Variants in KIFC3 observed in about 807,000 individuals in gnomAD.
KIFC3 encodes the protein kinesin family member C3, also known as kinesin-like protein KIFC3.
Under a neutral mutation model 101.8 loss-of-function variants are expected in KIFC3, and 60 were observed. The observed-to-expected ratio is 0.59, with a 90% CI of 0.48 to 0.73. KIFC3 has a LOEUF of 0.73. Among genes scored for constraint, KIFC3 ranks in the 30% least tolerant of loss-of-function variants. KIFC3 has a pLI of 0.00. For synonymous variants in KIFC3, 476 were observed against 482.7 expected (o/e 0.99, Z 0.18); for missense variants, 966 against 1,137.1 (o/e 0.85, Z 2.16).
chr16:57,859,531 A>G (rs2056250071), intron 1 of KIFC3, among the ~76,000 whole-genome samples: 1 of 152,176 alleles, frequency 6.6e-6, no homozygotes, highest in African/African-American at 2.4e-5. Context: ...CAGAAACTCC[A>G]GCAGGGGGCT....
intron 1 of KIFC3, among the ~76,000 whole-genome samples, chr16:57,857,651 GTTTTC>G (rs1473569146): frequency 3.4e-4 from 52 of 151,592 alleles, no homozygotes; most frequent in African/African-American, 1.2e-3. Context: ...TCAGTGTTTG[GTTTTC>G]TGTTCCTGTG....
chr16:57,852,209 C>A (rs958008277), intron 1 of KIFC3, among the ~76,000 whole-genome samples: 1 of 152,124 alleles, frequency 6.6e-6, no homozygotes, highest in Non-Finnish European at 1.5e-5. Context: ...AACAGTCAGT[C>A]GGACCTGTAT....
upstream of KIFC3, chr16:57,802,822 GT>G: frequency 1.2e-6 from 1 of 840,974 alleles, no homozygotes; most frequent in Non-Finnish European, 1.9e-6. The surrounding 1 kb of genome is among the most constrained non-coding windows in gnomAD (Gnocchi z 5.0). Flanking sequence ...CCCACACCTG[GT>G]GAGCCATGCG....
chr16:57,797,761 C>T (rs1339810639), intron 2 of KIFC3: 8 of 1,277,114 alleles, frequency 6.3e-6, no homozygotes, highest in East Asian at 4.1e-5. Context: ...TGGCCAAGGA[C>T]GGCAGCCCGC....
intron 1 of KIFC3, among the ~76,000 whole-genome samples, chr16:57,832,935 C>T (rs1269869889): frequency 2.0e-5 from 3 of 152,064 alleles, no homozygotes; most frequent in Non-Finnish European, 4.4e-5. Context: ...CGGCCAGGCT[C>T]GGTGGCTCAT....
chr16:57,845,460 T>C (rs2055898445), intron 1 of KIFC3, among the ~76,000 whole-genome samples: 1 of 152,180 alleles, frequency 6.6e-6, no homozygotes, highest in African/African-American at 2.4e-5. Flanking sequence ...GGTTCTGCAG[T>C]GGCCCTCAAG....
intron 9 of KIFC3, among the ~76,000 whole-genome samples, chr16:57,768,592 T>C (rs572844761): frequency 2.3e-4 from 35 of 150,506 alleles, no homozygotes; most frequent in African/African-American, 6.1e-4. Flanking sequence ...AGAGGCCACA[T>C]TGGAAGAGTT....
chr16:57,859,049 G>A (rs1170293893), intron 1 of KIFC3, among the ~76,000 whole-genome samples: 3 of 152,170 alleles, frequency 2.0e-5, no homozygotes, highest in African/African-American at 7.2e-5. Context: ...AATATTCTGT[G>A]ACGTATTCTT....
At chr16:57,795,902 T>G (rs1167601619) in intron 2 of KIFC3, among the ~76,000 whole-genome samples, 2 of 146,722 alleles carry the variant, frequency 1.4e-5, no homozygotes, top group South Asian at 2.2e-4. Context: ...TTTTTTTTTT[T>G]TTTTTTTTTG....
At chr16:57,788,394 G>A (rs782160676) in intron 3 of KIFC3, among the ~76,000 whole-genome samples, 3 of 152,212 alleles carry the variant, frequency 2.0e-5, no homozygotes, top group Non-Finnish European at 4.4e-5. Flanking sequence ...ACACACCACT[G>A]TCCCTGAATC....
chr16:57,859,654 A>G (rs1240770510), intron 1 of KIFC3, among the ~76,000 whole-genome samples: 2 of 152,158 alleles, frequency 1.3e-5, no homozygotes, highest in Non-Finnish European at 2.9e-5. Context: ...TACACCAGTT[A>G]CAGTGGGAGG....
intron 1 of KIFC3, among the ~76,000 whole-genome samples, chr16:57,842,743 G>A (rs1376938927): frequency 1.3e-5 from 2 of 152,128 alleles, no homozygotes; most frequent in African/African-American, 4.8e-5. Flanking sequence ...CTGAGGTTTA[G>A]GAGATGTTTT....
At position 57,769,687 on chromosome 16, in the gene KIFC3, G is replaced by A; in HGVS notation, c.1126C>T (p.Arg376Trp). 5 of 1,612,588 alleles carry A rather than the reference G, an allele frequency of 3.1e-6. No individual in the cohort carries two copies. The highest frequency in any genetic ancestry group is 4.2e-6 in the Non-Finnish European group (5 of 1,179,986). ...CCATTGTAGTCGTTGGTGAGGGTCC[G>A]CAGTGCCGGCTGCAAGGTCAGCAAG... ...TNLLTLQPAL[R>W]TLTNDYNGLK... Residue 376 changes from arginine to tryptophan, a missense_variant, in exon 9 of 20, where the codon CGG (arginine) becomes TGG (tryptophan). Physicochemically the swap from Arg to Trp is moderately radical, Grantham distance 101. Around this residue, in one of 2 missense-constraint regions of KIFC3, gnomAD observed 689 missense variants for 884.6 expected, o/e 0.78. Transcript: ENST00000445690. This position sits in a 1 kb window ranked among gnomAD's most constrained non-coding sequence, Gnocchi z 4.3.
intron 3 of KIFC3, among the ~76,000 whole-genome samples, chr16:57,793,071 G>A (rs889277836): frequency 3.3e-5 from 5 of 151,446 alleles, no homozygotes; most frequent in Non-Finnish European, 7.4e-5. Flanking sequence ...TAGATCACTT[G>A]AGGTAAGGAG....
At chr16:57,781,050 G>T (rs2052678972) in intron 3 of KIFC3, among the ~76,000 whole-genome samples, 1 of 152,062 alleles carries the variant, frequency 6.6e-6, no homozygotes, top group South Asian at 2.1e-4. Flanking sequence ...GGTCACAGTG[G>T]CTCATGCCTG....
chr16:57,815,318 T>C (rs2055195655), intron 1 of KIFC3: 1 of 596,372 alleles, frequency 1.7e-6, no homozygotes, highest in African/African-American at 2.0e-5. Context: ...TTGTGCTCAT[T>C]TGTAACCAGA....
intron 3 of KIFC3, among the ~76,000 whole-genome samples, chr16:57,792,865 CAAA>C (rs35129462): frequency 0.026 from 1,014 of 38,334 alleles, 12 homozygotes; most frequent in African/African-American, 0.083. Flanking sequence ...AGACCTTGCT[CAAA>C]AAAAAAAAAA....
intron 1 of KIFC3, among the ~76,000 whole-genome samples, chr16:57,860,606 A>T (rs2056283634): frequency 2.0e-5 from 3 of 152,214 alleles, no homozygotes; most frequent in Admixed American, 2.0e-4. Flanking sequence ...GAAAGAATTC[A>T]GGGCAAGTTG....
At chr16:57,790,158 C>A (rs2053752691) in intron 3 of KIFC3, among the ~76,000 whole-genome samples, 1 of 148,044 alleles carries the variant, frequency 6.8e-6, no homozygotes, top group Non-Finnish European at 1.5e-5. Flanking sequence ...CAGCTCACTG[C>A]AACCTTGACT....
Sources: gnomAD v4.1 joint callset for allele counts (sites outside exome capture counted in the v4.1 genomes callset) on GRCh38, gnomAD v4.1.1 for gene constraint, gnomAD v4.1.1 regional missense constraint, Gnocchi (gnomAD v3.1) non-coding constraint, MANE v1.5 for transcripts, NCBI Gene and HGNC (gene_info 2026-07-23, HGNC 2026-07-21) for gene names.